The following GTF3C2 variants were observed in gnomAD, a reference collection of about 807,000 sequenced individuals.
The protein encoded by GTF3C2 is general transcription factor 3C polypeptide 2.
A neutral mutation model predicts 117.4 loss-of-function variants in GTF3C2; 17 were observed. The observed-to-expected ratio is 0.14, with a 90% CI of 0.10 to 0.22. The LOEUF (loss-of-function observed/expected upper bound fraction) is 0.22. Among genes scored for constraint, GTF3C2 ranks in the 10% least tolerant of loss-of-function variants. GTF3C2 has a pLI of 1.00. For missense variants in GTF3C2, 888 were observed against 1,143.6 expected, an observed-to-expected ratio of 0.78 and a Z score of 3.22; for synonymous variants, 437 against 427.0, an observed-to-expected ratio of 1.02 and a Z score of -0.29.
chr2:27,356,440 G>A (rs939935565), intron 1 of GTF3C2: 6 of 249,744 alleles, frequency 2.4e-5, no homozygotes, highest in Middle Eastern at 3.3e-3. Flanking sequence ...CGCCGAGTTC[G>A]AGGGACGCTA....
At chr2:27,326,158 C>T in exon 19 of GTF3C2, 1 of 468,574 alleles carries the variant, frequency 2.1e-6, no homozygotes, top group Non-Finnish European at 4.4e-6. Flanking sequence ...CAAAGAAGTA[C>T]TCTAAGCAAC....
At chr2:27,333,470 CTTAA>C (rs1414571677) in intron 12 of GTF3C2, 181 bp downstream of exon 12, 1 of 554,016 alleles carries the variant, frequency 1.8e-6, no homozygotes, top group East Asian at 3.1e-5. Flanking sequence ...TCTATGTACT[CTTAA>C]TTTTTTTCTG....
intron 1 of GTF3C2, chr2:27,356,439 C>T (rs1225457339): frequency 1.6e-5 from 4 of 244,896 alleles, no homozygotes; most frequent in Non-Finnish European, 3.5e-5. Flanking sequence ...TCGCCGAGTT[C>T]GAGGGACGCT....
chr2:27,345,972 C>T (rs1422548057), intron 1 of GTF3C2, among the ~76,000 whole-genome samples: 7 of 150,844 alleles, frequency 4.6e-5, no homozygotes, highest in African/African-American at 1.2e-4. Context: ...ACCTTGGCCC[C>T]GCAAAGTGCT....
At chr2:27,337,616 A>G (rs1435513032) in intron 5 of GTF3C2, 58 bp from the exon 6 acceptor site, 1 of 1,166,342 alleles carries the variant, frequency 8.6e-7, no homozygotes, top group Non-Finnish European at 1.3e-6. Context: ...GCACAGTCCA[A>G]TAAAACTTTC....
chr2:27,343,568 A>G, exon 2 of GTF3C2: 4 of 1,613,268 alleles, frequency 2.5e-6, no homozygotes, highest in Non-Finnish European at 3.4e-6. Context: ...CACCCCCCAA[A>G]ATGGCTGCCC....
At chr2:27,336,276 G>C (rs1680473526) in exon 8 of GTF3C2, 2 of 1,614,024 alleles carry the variant, frequency 1.2e-6, no homozygotes, top group Non-Finnish European at 1.7e-6. Context: ...CAGTGGGTGT[G>C]TCTCATTCAT....
chr2:27,336,448 A>G (rs1301578665), intron 7 of GTF3C2, 23 bp from the exon 8 acceptor site: 1 of 1,400,438 alleles, frequency 7.1e-7, no homozygotes, highest in Non-Finnish European at 1.0e-6. Flanking sequence ...CAAAGATGGG[A>G]TGAAGAAAGG....
At chr2:27,343,618 T>C (rs1275369241) in intron 1 of GTF3C2, 40 bp from the exon 2 acceptor site, 1 of 1,530,178 alleles carries the variant, frequency 6.5e-7, no homozygotes, top group African/African-American at 1.4e-5. Context: ...GGACAAAAAC[T>C]ATTTGTACTA....
At chr2:27,350,627 T>A (rs1049214496) in intron 1 of GTF3C2, 2 of 465,314 alleles carry the variant, frequency 4.3e-6, no homozygotes, top group South Asian at 1.9e-4. Flanking sequence ...CAGCAAGACT[T>A]TGTCTCTGCA....
chr2:27,342,182 A>G, exon 4 of GTF3C2: 1 of 1,614,106 alleles, frequency 6.2e-7, no homozygotes, highest in Non-Finnish European at 8.5e-7. Flanking sequence ...ACACAGGGGC[A>G]GGCAGGGCTG....
rs1014714773 is a variant in GTF3C2 at position 27,343,577 on chromosome 2, C to A, written c.-23G>T. The A allele has an allele frequency of 2.5e-6, 4 of 1,612,324 alleles. No homozygotes were observed. The East Asian group carries it at 8.9e-5, about 36-fold the overall frequency. On this transcript the variant is annotated splice_region_variant and 5_prime_UTR_variant, in exon 2 of 19. Coordinates refer to ENST00000264720, the Ensembl canonical transcript of GTF3C2. ...CATCAGCACCCCCCAAAATGGCTGC[C>A]CCTGCATACAGAGACACACAAATGA...
At chr2:27,345,116 G>C (rs1431593496) in intron 1 of GTF3C2, among the ~76,000 whole-genome samples, 1 of 130,426 alleles carries the variant, frequency 7.7e-6, no homozygotes, top group Non-Finnish European at 1.7e-5. Context: ...AGACTCCTTT[G>C]CTACAAAAAA....
intron 4 of GTF3C2, chr2:27,341,665 G>A (rs1680734048): frequency 2.5e-6 from 1 of 403,748 alleles, no homozygotes; most frequent in Non-Finnish European, 4.5e-6. Context: ...AGTGCTGATT[G>A]CACTGTGAAC....
At chr2:27,341,578 A>C (rs189520210) in intron 4 of GTF3C2, 18 of 183,900 alleles carry the variant, frequency 9.8e-5, no homozygotes, top group Admixed American at 8.6e-4. Flanking sequence ...CAATTCAACT[A>C]TCATTCCTCT....
At chr2:27,337,669 C>A in intron 5 of GTF3C2, 111 bp from the exon 6 acceptor site, 1 of 807,096 alleles carries the variant, frequency 1.2e-6, no homozygotes, top group Non-Finnish European at 2.1e-6. Context: ...CCCCAATATG[C>A]CAGTTGCTAG....
rs749324015 is a variant in GTF3C2, at chr2:27,343,325, G to C, written c.230C>G (p.Ser77Cys). Residue 77 changes from serine to cysteine, a missense_variant, in exon 2 of 19, where the codon TCC (serine) becomes TGC (cysteine). By Grantham distance (112) the Ser-to-Cys change is moderately radical (BLOSUM62 -1). This residue lies in a region of GTF3C2 where 393 missense variants were observed against 401.5 expected (regional missense o/e 0.98). Transcript: ENST00000264720. Reference sequence around the variant, plus strand: ...GTACATACCTGGCTGTTCCAGTCTGGAGAGGCTTTCCTGCTCTGGAGGGAG... The same window carrying C: ...GTACATACCTGGCTGTTCCAGTCTGCAGAGGCTTTCCTGCTCTGGAGGGAG... The C allele has an allele frequency of 5.0e-6, 8 of 1,614,102 alleles. No homozygotes were observed. The South Asian group carries it at 7.7e-5, about 16-fold the overall frequency.
At chr2:27,346,587 A>C (rs1680924852) in intron 1 of GTF3C2, among the ~76,000 whole-genome samples, 1 of 151,810 alleles carries the variant, frequency 6.6e-6, no homozygotes. Flanking sequence ...GCGTGATTAC[A>C]TACTCAAACT....
At chr2:27,337,768 T>C (rs1680546306) in intron 5 of GTF3C2, 158 bp downstream of exon 5, 1 of 705,526 alleles carries the variant, frequency 1.4e-6, no homozygotes, top group Non-Finnish European at 2.5e-6. Flanking sequence ...TAAAGAGTTC[T>C]AGAGCTCTTG....
Sources: allele counts gnomAD v4.1 joint callset (sites outside exome capture counted in the v4.1 genomes callset), GRCh38; gene constraint gnomAD v4.1.1; regional missense constraint gnomAD v4.1.1; transcripts MANE v1.5; gene names NCBI Gene and HGNC (gene_info 2026-07-23, HGNC 2026-07-21).